Variants in HCRTR2 observed in about 807,000 individuals in gnomAD.
The protein encoded by HCRTR2 is orexin receptor type 2.
A neutral mutation model predicts 49.0 loss-of-function variants in HCRTR2; 22 were observed. The ratio of observed to expected loss-of-function variants is 0.45; its 90% CI spans 0.32 to 0.64. The LOEUF is 0.64. HCRTR2 is among the 30% of genes least tolerant of loss of function. The probability of loss-of-function intolerance (pLI) is 0.04; values close to 1 mark genes in which losing one functional copy is unlikely to be tolerated. For missense variants in HCRTR2, 491 were observed against 559.4 expected (o/e 0.88, Z 1.23); for synonymous variants, 236 against 205.3 (o/e 1.15, Z -1.28).
intron 1 of HCRTR2, among the ~76,000 whole-genome samples, chr6:55,221,725 A>G (rs1196874010): frequency 2.0e-5 from 3 of 151,916 alleles, no homozygotes; most frequent in South Asian, 2.1e-4. Context: ...AGGCAGGAGA[A>G]TGGCGTGAAC....
At chr6:55,174,482 C>T, upstream of HCRTR2, 1 of 949,738 alleles carries the variant, frequency 1.1e-6, no homozygotes, top group Non-Finnish European at 1.7e-6. Flanking sequence ...GCTCGGGAGC[C>T]CCTTCTAGCC....
intron 1 of HCRTR2, among the ~76,000 whole-genome samples, chr6:55,190,929 T>C (rs1765304688): frequency 6.6e-6 from 1 of 152,154 alleles, no homozygotes; most frequent in Non-Finnish European, 1.5e-5. Flanking sequence ...AGTAACCTCC[T>C]GTTATATTTG....
At position 55,119,844 on chromosome 6, in the gene HCRTR2, C is replaced by A. The variant is rs570829478; in HGVS notation, c.-378+13299C>A. 1.5e-3 allele frequency among the ~76,000 whole-genome samples: 223 copies of A among 152,124 alleles called. 3 individuals are homozygous for A. The highest frequency in any genetic ancestry group is 5.3e-3 in the African/African-American group (220 of 41,504). On this transcript the variant is annotated intron_variant, in intron 1 of 7. Coordinates refer to the HCRTR2 transcript ENST00000615358. The stretch of plus-strand genomic sequence containing the variant: ...GGTGTTGTAGACATGAAGTCTTTTC[C>A]CATGCCTATGTCCTGAATTATATTG...
At chr6:55,238,040 C>T (rs9382470) in intron 1 of HCRTR2, among the ~76,000 whole-genome samples, 26,225 of 151,890 alleles carry the variant, frequency 0.17, 2,721 homozygotes, top group Non-Finnish European at 0.24. Flanking sequence ...AAATTATATC[C>T]CCTGGAGTAT....
intron 4 of HCRTR2, among the ~76,000 whole-genome samples, chr6:55,275,398 A>G (rs1767058396): frequency 6.6e-6 from 1 of 152,102 alleles, no homozygotes; most frequent in Admixed American, 6.6e-5. Flanking sequence ...GAGCTCAGTA[A>G]TGTCAGTTAT....
At chr6:55,109,210 T>G (rs1227500182) in intron 1 of HCRTR2, among the ~76,000 whole-genome samples, 3 of 152,052 alleles carry the variant, frequency 2.0e-5, no homozygotes, top group Non-Finnish European at 4.4e-5. Context: ...CCACATCAAA[T>G]AAACACATAT....
At chr6:55,277,660 CT>C (rs11455646) in intron 5 of HCRTR2, 60 bp downstream of exon 5, 60,783 of 900,216 alleles carry the variant, frequency 0.068, 153 homozygotes, top group African/African-American at 0.1. Context: ...TCTTAATTAA[CT>C]TTTTTTTTTT....
chr6:55,174,139 T>C, upstream of HCRTR2: 1 of 227,360 alleles, frequency 4.4e-6, no homozygotes, highest in Non-Finnish European at 8.9e-6. Flanking sequence ...AAGAGAGAGA[T>C]TTAACTCTCA....
intron 1 of HCRTR2, among the ~76,000 whole-genome samples, chr6:55,120,976 A>G (rs1027511194): frequency 1.3e-5 from 2 of 152,070 alleles, no homozygotes; most frequent in Non-Finnish European, 2.9e-5. Context: ...TTGGTTCCAT[A>G]TGAACTTTAA....
chr6:55,116,033 T>C (rs1161592694), intron 1 of HCRTR2, among the ~76,000 whole-genome samples: 1 of 151,714 alleles, frequency 6.6e-6, no homozygotes, highest in Non-Finnish European at 1.5e-5. Context: ...CCTCATGGGA[T>C]TTTTTGTCTC....
intron 1 of HCRTR2, among the ~76,000 whole-genome samples, chr6:55,221,749 C>T (rs958338322): frequency 4.6e-5 from 7 of 150,740 alleles, no homozygotes; most frequent in Non-Finnish European, 8.9e-5. Context: ...AGAGGCAGAG[C>T]TTGCAGTGAG....
intron 1 of HCRTR2, among the ~76,000 whole-genome samples, chr6:55,151,493 T>G (rs1475907622): frequency 6.6e-6 from 1 of 152,006 alleles, no homozygotes; most frequent in Non-Finnish European, 1.5e-5. Context: ...GAGATTGTAG[T>G]AATTCAGTCA....
chr6:55,220,937 T>G (rs993634806), intron 1 of HCRTR2, among the ~76,000 whole-genome samples: 4 of 152,020 alleles, frequency 2.6e-5, no homozygotes, highest in Non-Finnish European at 5.9e-5. Context: ...GACATTACAA[T>G]CCCACTTACA....
chr6:55,120,641 G>A (rs946456766), intron 1 of HCRTR2, among the ~76,000 whole-genome samples: 15 of 150,908 alleles, frequency 9.9e-5, no homozygotes, highest in South Asian at 4.1e-4. Context: ...ATCAGCTTAC[G>A]GAGATTTGGA....
At chr6:55,277,659 A>ATT in intron 5 of HCRTR2, 59 bp downstream of exon 5, 1 of 1,156,712 alleles carries the variant, frequency 8.6e-7, no homozygotes. Flanking sequence ...TTCTTAATTA[A>ATT]CTTTTTTTTT....
intron 1 of HCRTR2, among the ~76,000 whole-genome samples, chr6:55,197,358 C>A (rs1765435484): frequency 6.6e-6 from 1 of 152,132 alleles, no homozygotes; most frequent in Non-Finnish European, 1.5e-5. Flanking sequence ...AATTCCAATT[C>A]TACTTCCCAC....
intron 1 of HCRTR2, among the ~76,000 whole-genome samples, chr6:55,223,459 A>C (rs1308261334): frequency 1.6e-4 from 25 of 152,212 alleles, no homozygotes; most frequent in Admixed American, 1.6e-3. Flanking sequence ...TACAAAAGAG[A>C]AGAAATTTCC....
At chr6:55,200,703 C>G (rs1177537828) in intron 1 of HCRTR2, among the ~76,000 whole-genome samples, 1 of 152,100 alleles carries the variant, frequency 6.6e-6, no homozygotes, top group East Asian at 1.9e-4. Flanking sequence ...GTATTCATGA[C>G]AAGACAATTA....
chr6:55,112,545 C>A (rs1387674552), intron 1 of HCRTR2, among the ~76,000 whole-genome samples: 2 of 130,556 alleles, frequency 1.5e-5, no homozygotes, highest in African/African-American at 6.0e-5. Flanking sequence ...TTTACAATAG[C>A]TGCAAAAAAA....
Sources: gnomAD v4.1 joint callset for allele counts (sites outside exome capture counted in the v4.1 genomes callset) on GRCh38, gnomAD v4.1.1 for gene constraint, MANE v1.5 for transcripts, NCBI Gene and HGNC (gene_info 2026-07-23, HGNC 2026-07-21) for gene names.